The following SMG7 variants were observed in gnomAD, a reference collection of about 807,000 sequenced individuals.
SMG7 encodes nonsense-mediated mRNA decay factor SMG7.
A neutral mutation model predicts 148.2 loss-of-function variants in SMG7; 34 were observed. The ratio of observed to expected loss-of-function variants is 0.23; its 90% confidence interval spans 0.17 to 0.31. SMG7 has a LOEUF of 0.31. SMG7 is among the 10% of genes least tolerant of loss of function. The probability of loss-of-function intolerance (pLI) is 1.00; values close to 1 mark genes in which losing one functional copy is unlikely to be tolerated. For synonymous variants in SMG7, 492 were observed against 515.1 expected (o/e 0.96, Z 0.61); for missense variants, 1,114 against 1,408.4 (o/e 0.79, Z 3.35).
chr1:183,503,729 A>G lies in SMG7; in HGVS notation c.30-9108A>G, dbSNP rs564042574. Among the ~76,000 whole-genome samples, 7 of 152,222 alleles carry G rather than the reference A, an allele frequency of 4.6e-5. No individual in the cohort carries two copies. In the East Asian group the frequency reaches 1.3e-3, roughly 29 times the overall value. On this transcript the variant is annotated intron_variant, in intron 1 of 22. Coordinates refer to ENST00000688051, the MANE Select transcript of SMG7 (RefSeq NM_001375584.1). ...GAACTATTCATGTCACAATCAGATT[A>G]CCCCTCCTTATTCAAATGATCATTT...
intron 1 of SMG7, among the ~76,000 whole-genome samples, chr1:183,500,657 G>T (rs562799446): frequency 6.6e-6 from 1 of 152,264 alleles, no homozygotes; most frequent in African/African-American, 2.4e-5. Flanking sequence ...GATGCACTGG[G>T]AGTACTCAGC....
At chr1:183,474,726 G>C (rs1343095190) in intron 1 of SMG7, among the ~76,000 whole-genome samples, 1 of 152,136 alleles carries the variant, frequency 6.6e-6, no homozygotes, top group Non-Finnish European at 1.5e-5. Flanking sequence ...CACCTGTATG[G>C]GAGGCATTGT....
intron 1 of SMG7, among the ~76,000 whole-genome samples, chr1:183,510,811 G>A (rs1661937683): frequency 6.6e-6 from 1 of 151,856 alleles, no homozygotes; most frequent in African/African-American, 2.4e-5. Flanking sequence ...AATATTTACA[G>A]TAAAAATTTC....
chr1:183,515,396 T>C (rs1663246136), intron 2 of SMG7, among the ~76,000 whole-genome samples: 1 of 152,098 alleles, frequency 6.6e-6, no homozygotes, highest in Non-Finnish European at 1.5e-5. Context: ...GAGAATTCTG[T>C]AAGGACATTT....
At chr1:183,537,691 C>G (rs939676998) in intron 11 of SMG7, among the ~76,000 whole-genome samples, 1 of 152,092 alleles carries the variant, frequency 6.6e-6, no homozygotes, top group Non-Finnish European at 1.5e-5. Flanking sequence ...AAGTTTTGTG[C>G]CTGATTTTGA....
chr1:183,525,391 A>G (rs789170), intron 4 of SMG7, among the ~76,000 whole-genome samples: 137,982 of 152,232 alleles, frequency 0.91, 62,702 homozygotes, highest in East Asian at 1. Context: ...GTTGGGTGAG[A>G]GGAGGGAGAG....
chr1:183,519,580 G>A (rs1664300356), intron 4 of SMG7, among the ~76,000 whole-genome samples: 1 of 151,798 alleles, frequency 6.6e-6, no homozygotes, highest in East Asian at 1.9e-4. Context: ...AAGTATATTT[G>A]TTTTCTTTTC....
chr1:183,546,450 A>G lies in SMG7; in HGVS notation c.2742+113A>G, dbSNP rs1338183907. ...GGCCACTCTTATTCGTTAGTACTATAGAATGCCACTGAGTATTGGTGTAGC... is the reference window on the plus strand; with the variant it reads ...GGCCACTCTTATTCGTTAGTACTATGGAATGCCACTGAGTATTGGTGTAGC... On this transcript the variant is annotated intron_variant, in intron 17 of 22. Coordinates refer to ENST00000688051, the MANE Select transcript of SMG7 (RefSeq NM_001375584.1). 14 of 1,100,542 alleles carry G rather than the reference A, an allele frequency of 1.3e-5. No homozygotes were observed. In the East Asian group the frequency reaches 2.6e-4, roughly 21 times the overall value. 68.2% of individuals were successfully genotyped at this position (1,100,542 alleles called of 1,614,324 possible). A position where few individuals can be genotyped will look rare whatever the true frequency, so the allele number is the denominator to read the frequency against.
chr1:183,507,089 G>T (rs1661101368), intron 1 of SMG7, among the ~76,000 whole-genome samples: 1 of 151,986 alleles, frequency 6.6e-6, no homozygotes, highest in African/African-American at 2.4e-5. Context: ...ATGTTGGCTA[G>T]GCTGGTCTTG....
At chr1:183,542,940 T>TGTGTGTGC in intron 14 of SMG7, among the ~76,000 whole-genome samples, 1 of 70,372 alleles carries the variant, frequency 1.4e-5, no homozygotes. Flanking sequence ...TGTGTGTGTG[T>TGTGTGTGC]GTGTGTGTGT....
At chr1:183,541,164 G>A (rs1457546371) in intron 13 of SMG7, 61 bp downstream of exon 13, 46 of 1,458,272 alleles carry the variant, frequency 3.2e-5, no homozygotes, top group Admixed American at 3.6e-5. Flanking sequence ...ACACATGCGC[G>A]CACACGCGCG....
intron 4 of SMG7, among the ~76,000 whole-genome samples, chr1:183,518,122 A>AT (rs1163255981): frequency 6.6e-6 from 1 of 151,894 alleles, no homozygotes; most frequent in Non-Finnish European, 1.5e-5. Flanking sequence ...TAATTTTTGT[A>AT]TTTTTTGTAG....
intron 14 of SMG7, among the ~76,000 whole-genome samples, chr1:183,543,460 A>G (rs1221529305): frequency 1.3e-5 from 2 of 151,824 alleles, no homozygotes; most frequent in Non-Finnish European, 2.9e-5. Flanking sequence ...GACATAGGGG[A>G]GAGAGAGAGA....
chr1:183,536,236 G>A (rs1667768194), intron 10 of SMG7, among the ~76,000 whole-genome samples: 1 of 151,916 alleles, frequency 6.6e-6, no homozygotes, highest in Non-Finnish European at 1.5e-5. Flanking sequence ...TTGTTTCCAG[G>A]CCAAAACCAA....
At chr1:183,549,684 G>A (rs1670618556) in intron 19 of SMG7, 80 bp from the exon 20 acceptor site, 1 of 1,110,154 alleles carries the variant, frequency 9.0e-7, no homozygotes, top group Admixed American at 1.9e-5. Flanking sequence ...GGTGTACCAA[G>A]CATCCATGAA....
intron 1 of SMG7, chr1:183,502,347 C>T (rs1273446866): frequency 3.9e-6 from 6 of 1,533,860 alleles, no homozygotes; most frequent in Non-Finnish European, 4.4e-6. Flanking sequence ...AGATGAGGAC[C>T]GAAAACTTGA....
intron 13 of SMG7, 21 bp downstream of exon 13, chr1:183,541,124 C>A: frequency 1.2e-6 from 2 of 1,609,376 alleles, no homozygotes; most frequent in South Asian, 2.2e-5. Context: ...AACTTCTGGT[C>A]TACCCCTTTT....
At chr1:183,544,330 A>G in intron 14 of SMG7, 23 bp from the exon 15 acceptor site, 6 of 1,605,086 alleles carry the variant, frequency 3.7e-6, no homozygotes, top group Non-Finnish European at 5.1e-6. Context: ...TATTATAGAT[A>G]GTTTTGCTTC....
At chr1:183,529,158 C>T (rs1666422679) in intron 7 of SMG7, 116 bp downstream of exon 7, 3 of 1,054,100 alleles carry the variant, frequency 2.8e-6, no homozygotes, top group South Asian at 1.6e-5. Context: ...TATTTCTAAA[C>T]ATATAGATTT....
Sources: allele counts gnomAD v4.1 joint callset (sites outside exome capture counted in the v4.1 genomes callset), GRCh38; gene constraint gnomAD v4.1.1; transcripts MANE v1.5; gene names NCBI Gene and HGNC (gene_info 2026-07-23, HGNC 2026-07-21).